TNN: variants seen among roughly 807,000 people sequenced by gnomAD.
The protein encoded by TNN is tenascin-N.
A neutral mutation model predicts 134.4 loss-of-function variants in TNN; 122 were observed. That is an observed-to-expected ratio of 0.91 (90% CI 0.78 to 1.06). The LOEUF (loss-of-function observed/expected upper bound fraction) is 1.06, where lower values mean the gene tolerates loss of function less well. Among genes scored for constraint, TNN ranks in the 50% least tolerant of loss-of-function variants. The probability of loss-of-function intolerance (pLI) is 0.00; values close to 1 mark genes in which losing one functional copy is unlikely to be tolerated. For synonymous variants in TNN, 710 were observed against 670.3 expected, an observed-to-expected ratio of 1.06 and a Z score of -0.91; for missense variants, 1,739 against 1,699.4, an observed-to-expected ratio of 1.02 and a Z score of -0.41.
At chr1:175,082,216 G>A (rs1674213537) in intron 4 of TNN, among the ~76,000 whole-genome samples, 1 of 152,198 alleles carries the variant, frequency 6.6e-6, no homozygotes, top group Non-Finnish European at 1.5e-5. Flanking sequence ...GCCTCCCAGT[G>A]CAGCACAGAG....
At chr1:175,093,212 C>T (rs556557167) in intron 6 of TNN, among the ~76,000 whole-genome samples, 1 of 152,346 alleles carries the variant, frequency 6.6e-6, no homozygotes, top group Non-Finnish European at 1.5e-5. Flanking sequence ...GCACTGGCCT[C>T]CTTGCTGTTG....
chr1:175,082,513 G>C (rs1209916278), intron 4 of TNN, among the ~76,000 whole-genome samples: 3 of 152,104 alleles, frequency 2.0e-5, no homozygotes, highest in Non-Finnish European at 2.9e-5. Flanking sequence ...CTCTTGACCT[G>C]GCCTTCAGGG....
chr1:175,145,552 C>CGAAAAAAAAA (rs1676042497), intron 18 of TNN, among the ~76,000 whole-genome samples: 1 of 28,910 alleles, frequency 3.5e-5, no homozygotes, highest in Non-Finnish European at 6.0e-5. Flanking sequence ...GACCCTGTCT[C>CGAAAAAAAAA]AAAAAAAAAA....
chr1:175,080,725 T>C (rs1248731662), intron 4 of TNN, among the ~76,000 whole-genome samples: 1 of 152,118 alleles, frequency 6.6e-6, no homozygotes, highest in Non-Finnish European at 1.5e-5. Flanking sequence ...ATCCCCAGTC[T>C]CTTACTGAAC....
chr1:175,136,918 T>A lies in TNN; in HGVS notation c.3525T>A (p.Tyr1175Ter). 6.2e-7 allele frequency: 1 copy of A among 1,614,202 alleles called. No individual in the cohort carries two copies. Among genetic ancestry groups the A allele is most frequent in the Non-Finnish European group, 8.5e-7 (1 of 1,180,030 alleles). ...CCAATGAATCTGCCTATGCTATATA[T>A]GATTTCTTCCAAGTGGCCTCCAGCA... is the stretch of plus-strand genomic sequence containing the variant. The part of the protein sequence containing the change: ...QTANESAYAI[Y>*]DFFQVASSKE... Residue 1175 changes from tyrosine to a stop codon, truncating the protein, a stop_gained, in exon 17 of 19, where the codon TAT becomes TAA. Transcript: ENST00000239462. LOFTEE classifies it high-confidence loss of function.
intron 16 of TNN, 58 bp from the exon 17 acceptor site, chr1:175,136,763 A>G: frequency 6.5e-7 from 1 of 1,532,024 alleles, no homozygotes; most frequent in South Asian, 1.2e-5. Context: ...ACACATGTTG[A>G]GTGCTTACTC....
Position 175,098,445 on chromosome 1 carries a change from G to C in TNN, c.1969G>C (p.Ala657Pro). The change falls in exon 9 of 19, where the codon GCT becomes CCT. Residue 657 changes from alanine (A) to proline (P), a missense_variant. Transcript: ENST00000239462. ...CAAGTACGTGGTGCGCTACACCTCT[G>C]CTGGTGGAGAGACCAGGGAGGTTCC... ...IDKYVVRYTSAGGETREVPVG... is the reference protein window; with the variant it reads ...IDKYVVRYTSPGGETREVPVG... 2 of 1,614,228 alleles carry C rather than the reference G, an allele frequency of 1.2e-6. No homozygotes were observed. Among genetic ancestry groups the C allele is most frequent in the Non-Finnish European group, 1.7e-6 (2 of 1,180,036 alleles).
intron 12 of TNN, among the ~76,000 whole-genome samples, chr1:175,125,699 TTCTCTC>T (rs142973712): frequency 1.8e-5 from 1 of 56,342 alleles, no homozygotes; most frequent in Non-Finnish European, 3.4e-5. Context: ...TCTCTCTTTT[TTCTCTC>T]TTTCTTTCTT....
Position 175,136,773 on chromosome 1 carries a change from C to T in TNN, c.3428-48C>T, listed in dbSNP as rs377220026. 2.3e-5 allele frequency: 36 copies of T among 1,577,396 alleles called. No individual in the cohort carries two copies. In the African/African-American group the frequency reaches 3.0e-4, roughly 13 times the overall value. On this transcript the variant is annotated intron_variant, in intron 16 of 18. Coordinates refer to ENST00000239462, the MANE Select transcript of TNN (RefSeq NM_022093.2). ...CAGACACACATGTTGAGTGCTTACT[C>T]GCACACATGGGTTGATTGATTATTG...
Position 175,135,949 on chromosome 1 carries a change from C to T in TNN, c.3427+8C>T, listed in dbSNP as rs749635829. ...TGAAGGAGTTCTGGCTTGGTATGAT[C>T]TCAGAATCCAGGAGGCTGGGGCTGT... On this transcript the variant is annotated splice_region_variant and intron_variant, in intron 16 of 18. Coordinates refer to ENST00000239462, the MANE Select transcript of TNN (RefSeq NM_022093.2). 41 of 1,600,060 alleles carry T rather than the reference C, an allele frequency of 2.6e-5. 1 individual carries two copies. The South Asian group carries it at 4.4e-4, about 17-fold the overall frequency.
chr1:175,113,327 G>T (rs1439350892), intron 9 of TNN, among the ~76,000 whole-genome samples: 1 of 152,108 alleles, frequency 6.6e-6, no homozygotes, highest in Non-Finnish European at 1.5e-5. Context: ...GCTGGGTGTG[G>T]TATTCTCAGT....
At chr1:175,119,121 G>A (rs1223509176) in intron 11 of TNN, among the ~76,000 whole-genome samples, 3 of 152,240 alleles carry the variant, frequency 2.0e-5, no homozygotes, top group Non-Finnish European at 4.4e-5. Context: ...ATAGAGTAAA[G>A]TGAAAGCAAG....
chr1:175,117,030 G>C lies in TNN; in HGVS notation c.2211G>C (p.Arg737Ser), dbSNP rs748960132. ...SWDPVRATIDRYVVRYTSAKD... is the reference protein window; with the variant it reads ...SWDPVRATIDSYVVRYTSAKD... ...ACCCGGTGCGGGCCACCATTGACAG[G>C]TATGTGGTGCGCTACACCTCTGCCA... The change falls in exon 10 of 19, where the codon AGG (arginine) becomes AGC (serine). Residue 737 changes from arginine (R) to serine (S), a missense_variant. By Grantham distance (110) the Arg-to-Ser change is moderately radical (BLOSUM62 -1). Transcript: ENST00000239462. 2 of 1,614,122 alleles carry C rather than the reference G, an allele frequency of 1.2e-6. No individual in the cohort carries two copies. Among genetic ancestry groups the C allele is most frequent in the Non-Finnish European group, 1.7e-6 (2 of 1,180,054 alleles).
rs1674805192 is a variant in TNN at position 175,104,608 on chromosome 1, C to T, written c.2119+6013C>T. Among the ~76,000 whole-genome samples the T allele has an allele frequency of 1.4e-5, 2 of 145,710 alleles. 1 individual carries two copies. Among genetic ancestry groups the T allele is most frequent in the South Asian group, 4.6e-4 (2 of 4,306 alleles). On this transcript the variant is annotated intron_variant, in intron 9 of 18. Transcript: ENST00000239462. ...CCATGACTAAGGCTGCGGCCTTTCT[C>T]TGATCTCGCTTTTCCTTTTGGGCCT...
intron 1 of TNN, among the ~76,000 whole-genome samples, chr1:175,072,691 C>A (rs1365883392): frequency 2.6e-5 from 4 of 152,094 alleles, no homozygotes; most frequent in African/African-American, 9.7e-5. Flanking sequence ...TTGAGGATTT[C>A]CCTTGCTCTC....
intron 11 of TNN, among the ~76,000 whole-genome samples, chr1:175,121,729 G>T (rs1246627358): frequency 2.6e-5 from 4 of 152,064 alleles, no homozygotes; most frequent in African/African-American, 7.2e-5. Flanking sequence ...ATAGATGTGG[G>T]GTAGGAAGAA....
At chr1:175,121,868 G>A (rs537331388) in intron 11 of TNN, among the ~76,000 whole-genome samples, 2 of 152,188 alleles carry the variant, frequency 1.3e-5, no homozygotes, top group African/African-American at 2.4e-5. Context: ...AAATATTTAA[G>A]TTCAAGATAC....
At chr1:175,144,283 T>C in intron 17 of TNN, 104 bp from the exon 18 acceptor site, 18 of 1,088,572 alleles carry the variant, frequency 1.7e-5, no homozygotes, top group Non-Finnish European at 2.3e-5. Flanking sequence ...ACTGGCTGCA[T>C]CTTTGGCATT....
intron 15 of TNN, among the ~76,000 whole-genome samples, chr1:175,131,839 T>C (rs1029589902): frequency 6.6e-5 from 10 of 151,826 alleles, no homozygotes; most frequent in Non-Finnish European, 1.5e-4. Context: ...AGTATAGAAC[T>C]GGTTCTGGTT....
Sources: gnomAD v4.1 joint callset for allele counts (sites outside exome capture counted in the v4.1 genomes callset) on GRCh38, gnomAD v4.1.1 for gene constraint, MANE v1.5 for transcripts, NCBI Gene and HGNC (gene_info 2026-07-23, HGNC 2026-07-21) for gene names.